The following MBOAT2 variants were observed in gnomAD, a reference collection of about 807,000 sequenced individuals.
The protein encoded by MBOAT2 is membrane-bound glycerophospholipid O-acyltransferase 2.
In MBOAT2, 28 loss-of-function variants were observed where a neutral mutation model predicts 63.4. The ratio of observed to expected loss-of-function variants is 0.44; its 90% confidence interval spans 0.33 to 0.61. The LOEUF (loss-of-function observed/expected upper bound fraction) is 0.61. Ranked by LOEUF, MBOAT2 falls within the 20% of genes least tolerant of loss-of-function variation. MBOAT2 has a pLI of 0.03. For synonymous variants in MBOAT2, 211 were observed against 215.6 expected, an observed-to-expected ratio of 0.98 and a Z score of 0.19; for missense variants, 470 against 605.8, an observed-to-expected ratio of 0.78 and a Z score of 2.35.
intron 5 of MBOAT2, among the ~76,000 whole-genome samples, chr2:8,887,794 A>G (rs1663667272): frequency 6.6e-6 from 1 of 152,206 alleles, no homozygotes. Flanking sequence ...ACTAAATCAC[A>G]CTATTCTACT....
intron 1 of MBOAT2, among the ~76,000 whole-genome samples, chr2:8,969,629 CAT>C (rs750101149): frequency 6.6e-5 from 10 of 152,276 alleles, no homozygotes; most frequent in Non-Finnish European, 1.5e-4. Flanking sequence ...AGACCCATCT[CAT>C]GTGCAGAGAC....
intron 8 of MBOAT2, among the ~76,000 whole-genome samples, chr2:8,870,643 A>C (rs577799953): frequency 6.6e-6 from 1 of 152,166 alleles, no homozygotes; most frequent in Non-Finnish European, 1.5e-5. Flanking sequence ...ACAGAGTTGA[A>C]ACCTGAACCT....
At chr2:8,926,523 T>C (rs1666945180) in intron 3 of MBOAT2, among the ~76,000 whole-genome samples, 1 of 152,152 alleles carries the variant, frequency 6.6e-6, no homozygotes, top group African/African-American at 2.4e-5. Flanking sequence ...TCCCTGCAAA[T>C]ACAAAGGAAC....
intron 3 of MBOAT2, among the ~76,000 whole-genome samples, chr2:8,919,104 G>A (rs1051067213): frequency 4.6e-5 from 7 of 152,148 alleles, no homozygotes; most frequent in East Asian, 3.9e-4. Flanking sequence ...GTAAACTGCC[G>A]AATGGTATTC....
chr2:8,892,283 G>A (rs1050049623), intron 4 of MBOAT2, among the ~76,000 whole-genome samples: 1 of 152,134 alleles, frequency 6.6e-6, no homozygotes, highest in Admixed American at 6.5e-5. Context: ...CAGCAACGGA[G>A]GCAAACTGTT....
intron 3 of MBOAT2, among the ~76,000 whole-genome samples, chr2:8,909,921 C>T (rs577159210): frequency 2.6e-5 from 4 of 152,318 alleles, no homozygotes; most frequent in South Asian, 2.1e-4. Context: ...GTCTGTCCTG[C>T]TCCCCGTCAA....
At chr2:8,889,882 T>C (rs964122052) in intron 4 of MBOAT2, among the ~76,000 whole-genome samples, 18 of 152,222 alleles carry the variant, frequency 1.2e-4, no homozygotes, top group Admixed American at 5.9e-4. Flanking sequence ...TGAACCCACA[T>C]GCAACTTCTA....
chr2:8,919,683 A>G (rs1200453494), intron 3 of MBOAT2, among the ~76,000 whole-genome samples: 1 of 152,044 alleles, frequency 6.6e-6, no homozygotes, highest in Non-Finnish European at 1.5e-5. Flanking sequence ...CATTTCCTTA[A>G]AGGTGTCTTT....
Position 8,855,808 on chromosome 2 carries a change from C to T in MBOAT2, c.*2871G>A, listed in dbSNP as rs1661042818. On this transcript the variant is annotated 3_prime_UTR_variant, in exon 13 of 13. Transcript: ENST00000305997. ...TTTCCCTGAGTAGTATATAATTAACCAAAAGTATAAATATGATGTTGATTG... is the reference window on the plus strand; with the variant it reads ...TTTCCCTGAGTAGTATATAATTAACTAAAAGTATAAATATGATGTTGATTG... The T allele has an allele frequency of 6.6e-6, 1 of 151,842 alleles. No homozygotes were observed. The highest frequency in any genetic ancestry group is 6.6e-5 in the Admixed American group (1 of 15,254). The allele number at this position is 151,842 out of a possible 1,614,324, so 9.4% of individuals were successfully genotyped here.
chr2:8,924,633 T>C (rs1349022732), intron 3 of MBOAT2, among the ~76,000 whole-genome samples: 1 of 152,010 alleles, frequency 6.6e-6, no homozygotes, highest in Admixed American at 6.5e-5. Flanking sequence ...AGTCACTTGA[T>C]TCTTTCCTGT....
chr2:9,001,246 G>C (rs142207833), intron 1 of MBOAT2, among the ~76,000 whole-genome samples: 30 of 152,090 alleles, frequency 2.0e-4, no homozygotes, highest in African/African-American at 6.3e-4. Flanking sequence ...AAAAAGTATA[G>C]TAAATACATA....
chr2:8,974,996 T>C (rs1042435866), intron 1 of MBOAT2, among the ~76,000 whole-genome samples: 1 of 152,094 alleles, frequency 6.6e-6, no homozygotes, highest in African/African-American at 2.4e-5. Context: ...ATGGAGAATA[T>C]CTAATCCAAA....
intron 4 of MBOAT2, among the ~76,000 whole-genome samples, chr2:8,904,504 T>C (rs2148581817): frequency 6.6e-6 from 1 of 152,000 alleles, no homozygotes; most frequent in South Asian, 2.1e-4. Context: ...AGAGATGGGG[T>C]TTCACCATGT....
chr2:8,858,646 A>C lies in MBOAT2; in HGVS notation c.*33T>G, dbSNP rs1661273230. The C allele has an allele frequency of 1.9e-6, 1 of 515,644 alleles. No homozygotes were observed. The highest frequency in any genetic ancestry group is 2.7e-6 in the Non-Finnish European group (1 of 374,014). The allele number at this position is 515,644 out of a possible 1,614,324, so 31.9% of individuals were successfully genotyped here. On this transcript the variant is annotated 3_prime_UTR_variant, in exon 13 of 13. Coordinates refer to ENST00000305997, the MANE Select transcript of MBOAT2 (RefSeq NM_138799.4). The stretch of plus-strand genomic sequence containing the variant: ...GCTAAGATTGGTTTCTGTTAACATC[A>C]AAAAAAAAAAACAGCCCTCAGAGCC...
At chr2:8,930,268 G>A (rs1299322010) in intron 3 of MBOAT2, among the ~76,000 whole-genome samples, 1 of 152,218 alleles carries the variant, frequency 6.6e-6, no homozygotes, top group Non-Finnish European at 1.5e-5. Flanking sequence ...TTTAAACGGT[G>A]ATCAAAAAAT....
chr2:8,957,412 G>A (rs2103272497), intron 2 of MBOAT2, among the ~76,000 whole-genome samples: 1 of 152,190 alleles, frequency 6.6e-6, no homozygotes, highest in South Asian at 2.1e-4. Flanking sequence ...CTATCTACCA[G>A]GGCAGTACCT....
At chr2:8,961,766 C>T (rs1437644530) in intron 1 of MBOAT2, among the ~76,000 whole-genome samples, 1 of 152,178 alleles carries the variant, frequency 6.6e-6, no homozygotes, top group African/African-American at 2.4e-5. Flanking sequence ...GTACACACCC[C>T]TCAAATCTCC....
chr2:8,884,202 A>T (rs2148543568), intron 5 of MBOAT2, among the ~76,000 whole-genome samples: 1 of 148,390 alleles, frequency 6.7e-6, no homozygotes, highest in South Asian at 2.1e-4. Flanking sequence ...AGCCAAAAAA[A>T]AAAAAAAAAA....
chr2:9,003,115 C>G lies in MBOAT2; in HGVS notation c.75+425G>C, dbSNP rs995924400. Among the ~76,000 whole-genome samples the G allele has an allele frequency of 1.3e-5, 2 of 152,120 alleles. No homozygotes were observed. The highest frequency in any genetic ancestry group is 1.5e-5 in the Non-Finnish European group (1 of 68,006). On this transcript the variant is annotated intron_variant, in intron 1 of 12. Transcript: ENST00000305997. The surrounding 1 kb of genome is among the most constrained non-coding windows in gnomAD (Gnocchi z 5.4). ...CGCTCAGAGGCGCGCGCGGGGCAGG[C>G]AGCACCACGCCAGGCTCCCCAAAGC...
Sources: gnomAD v4.1 joint callset for allele counts (sites outside exome capture counted in the v4.1 genomes callset) on GRCh38, gnomAD v4.1.1 for gene constraint, Gnocchi (gnomAD v3.1) non-coding constraint, MANE v1.5 for transcripts, NCBI Gene and HGNC (gene_info 2026-07-23, HGNC 2026-07-21) for gene names.